Variants in UBE2T observed in about 807,000 individuals in gnomAD.
UBE2T encodes the protein ubiquitin conjugating enzyme E2 T.
UBE2T carries 15 observed loss-of-function variants against 23.3 expected under a neutral mutation model. That is an observed-to-expected ratio of 0.64 (90% CI 0.43 to 0.99). UBE2T has a LOEUF of 0.99. UBE2T is among the 50% of genes least tolerant of loss of function. The pLI is 0.00. For synonymous variants in UBE2T, 67 were observed against 78.4 expected (o/e 0.85, Z 0.77); for missense variants, 197 against 234.9 (o/e 0.84, Z 1.05).
chr1:202,331,970 A>G lies in UBE2T; in HGVS notation c.469-10T>C, dbSNP rs889064891. ...TCTCTTCCTCATCAGCCTAAAGAGG[A>G]GACAGGGTGAAACACAGTAAGGTTC... On this transcript the variant is annotated splice_polypyrimidine_tract_variant and intron_variant, in intron 6 of 6. Transcript: ENST00000646651. The G allele has an allele frequency of 6.2e-7, 1 of 1,613,926 alleles. No individual in the cohort carries two copies. The highest frequency in any genetic ancestry group is 1.7e-5 in the Admixed American group (1 of 60,018).
Position 202,335,625 on chromosome 1 carries a change from T to C in UBE2T, c.109+21A>G, listed in dbSNP as rs1272661593. On this transcript the variant is annotated intron_variant, in intron 2 of 6. Coordinates refer to ENST00000646651, the MANE Select transcript of UBE2T (RefSeq NM_014176.4). The surrounding 1 kb of genome is among the most constrained non-coding windows in gnomAD (Gnocchi z 4.0). ...TTCAATAGGGTCATGACTTTCATCA[T>C]ATACATGATTTGATACCTACGAGCT... The C allele has an allele frequency of 3.1e-6, 5 of 1,599,300 alleles. No homozygotes were observed. The highest frequency in any genetic ancestry group is 4.3e-6 in the Non-Finnish European group (5 of 1,167,078).
intron 5 of UBE2T, 23 bp downstream of exon 5, chr1:202,333,214 C>A (rs773082758): frequency 1.6e-5 from 26 of 1,613,502 alleles, no homozygotes; most frequent in Non-Finnish European, 2.0e-5. Flanking sequence ...ATATGTGTTG[C>A]AGAGGAAAAT....
At position 202,331,731 on chromosome 1, in the gene UBE2T, A is replaced by G; in HGVS notation, c.*104T>C. 2 of 1,401,592 alleles carry G rather than the reference A, an allele frequency of 1.4e-6. No homozygotes were observed. Among genetic ancestry groups the G allele is most frequent in the Non-Finnish European group, 2.0e-6 (2 of 1,021,520 alleles). 86.8% of individuals were successfully genotyped at this position (1,401,592 alleles called of 1,614,324 possible). A position where few individuals can be genotyped will look rare whatever the true frequency, so the allele number is the denominator to read the frequency against. The stretch of plus-strand genomic sequence containing the variant: ...CATATGTACAAGATAAATAAACTAC[A>G]CAAAAATTATGTCATCAAATATATT... On this transcript the variant is annotated 3_prime_UTR_variant, in exon 7 of 7. Coordinates refer to ENST00000646651, the MANE Select transcript of UBE2T (RefSeq NM_014176.4).
In UBE2T at chr1:202,333,547, A is replaced by G; in HGVS notation, c.188T>C (p.Phe63Ser). 1.9e-6 allele frequency: 3 copies of G among 1,613,132 alleles called. No individual in the cohort carries two copies. The highest frequency in any genetic ancestry group is 2.2e-5 in the East Asian group (1 of 44,864). Reference protein sequence around the residue: ...LEVIIPERYPFEPPQIRFLTP... With the variant: ...LEVIIPERYPSEPPQIRFLTP... ...GAGAAATCGGATCTGAGGAGGTTCA[A>G]ATGGGTACCTATGAAAGAATAAGAC... Residue 63 changes from phenylalanine (F) to serine (S), a missense_variant, in exon 4 of 7, where the codon TTT (phenylalanine) becomes TCT (serine). Phe to Ser is a radical substitution (Grantham distance 155). Coordinates refer to ENST00000646651, the MANE Select transcript of UBE2T (RefSeq NM_014176.4).
At chr1:202,336,210 C>CTTTTT (rs60785340) in intron 1 of UBE2T, among the ~76,000 whole-genome samples, 1 of 34,332 alleles carries the variant, frequency 2.9e-5, no homozygotes, top group Non-Finnish European at 5.2e-5. Flanking sequence ...ATGCACCCAG[C>CTTTTT]TTTTTTTTTT....
At chr1:202,338,648 T>C (rs1440443443) in intron 1 of UBE2T, among the ~76,000 whole-genome samples, 2 of 152,196 alleles carry the variant, frequency 1.3e-5, no homozygotes, top group African/African-American at 4.8e-5. Context: ...AGTTTATTTC[T>C]TCCCTTCTAA....
At chr1:202,340,820 A>G (rs1033758044) in intron 1 of UBE2T, among the ~76,000 whole-genome samples, 17 of 152,238 alleles carry the variant, frequency 1.1e-4, no homozygotes, top group African/African-American at 4.1e-4. Context: ...CCAAGGAAGC[A>G]ACCAGACTCC....
At position 202,335,627 on chromosome 1, in the gene UBE2T, T is replaced by C; in HGVS notation, c.109+19A>G. Reference sequence around the variant, plus strand: ...CAATAGGGTCATGACTTTCATCATATACATGATTTGATACCTACGAGCTCG... The same window carrying C: ...CAATAGGGTCATGACTTTCATCATACACATGATTTGATACCTACGAGCTCG... On this transcript the variant is annotated intron_variant, in intron 2 of 6. Transcript: ENST00000646651. The surrounding 1 kb of genome is among the most constrained non-coding windows in gnomAD (Gnocchi z 4.0). The C allele has an allele frequency of 1.2e-6, 2 of 1,606,278 alleles. No individual in the cohort carries two copies. Among genetic ancestry groups the C allele is most frequent in the Non-Finnish European group, 1.7e-6 (2 of 1,173,382 alleles).
At chr1:202,341,128 C>T (rs1020019603) in intron 1 of UBE2T, among the ~76,000 whole-genome samples, 2 of 152,232 alleles carry the variant, frequency 1.3e-5, no homozygotes, top group African/African-American at 4.8e-5. Context: ...CTCTGTGCGT[C>T]TACATCTATT....
At position 202,333,213 on chromosome 1, in the gene UBE2T, G is replaced by A. The variant is rs1654805497; in HGVS notation, c.384+24C>T. On this transcript the variant is annotated intron_variant, in intron 5 of 6. Transcript: ENST00000646651. The stretch of plus-strand genomic sequence containing the variant: ...GTATAGACAAGGTAGGATATGTGTT[G>A]CAGAGGAAAATGGGGATATTTACTA... The A allele has an allele frequency of 2.5e-6, 4 of 1,613,404 alleles. No individual in the cohort carries two copies. In the East Asian group the frequency reaches 8.9e-5, roughly 36 times the overall value.
At chr1:202,336,934 G>A (rs1654898423) in intron 1 of UBE2T, among the ~76,000 whole-genome samples, 1 of 152,052 alleles carries the variant, frequency 6.6e-6, no homozygotes, top group Non-Finnish European at 1.5e-5. Context: ...TACTAACCAA[G>A]CAAAGGACAC....
At chr1:202,341,403 C>A (rs902593311) in intron 1 of UBE2T, among the ~76,000 whole-genome samples, 2 of 149,936 alleles carry the variant, frequency 1.3e-5, no homozygotes, top group African/African-American at 4.9e-5. Context: ...ACGGTGAAAC[C>A]CCGTCTCTAC....
chr1:202,340,850 A>G (rs1654986268), intron 1 of UBE2T, among the ~76,000 whole-genome samples: 1 of 152,224 alleles, frequency 6.6e-6, no homozygotes, highest in African/African-American at 2.4e-5. Context: ...ATGTTAACCA[A>G]AATTGGCATA....
chr1:202,335,391 G>A lies in UBE2T; in HGVS notation c.109+255C>T, dbSNP rs566049996. 1.1e-5 allele frequency: 6 copies of A among 542,030 alleles called. No individual in the cohort carries two copies. The South Asian group carries it at 1.5e-4, about 13-fold the overall frequency. The allele number at this position is 542,030 out of a possible 1,614,324, so 33.6% of individuals were successfully genotyped here. On this transcript the variant is annotated intron_variant, in intron 2 of 6. Coordinates refer to ENST00000646651, the MANE Select transcript of UBE2T (RefSeq NM_014176.4). The surrounding 1 kb of genome is among the most constrained non-coding windows in gnomAD (Gnocchi z 4.0). ...TCTGGCCTCACAGATATTTGAGATG[G>A]TTATCTTTGATCTAAACACTGCTTC... is the stretch of plus-strand genomic sequence containing the variant.
At chr1:202,339,536 T>C (rs1341550761) in intron 1 of UBE2T, among the ~76,000 whole-genome samples, 1 of 147,936 alleles carries the variant, frequency 6.8e-6, no homozygotes, top group African/African-American at 2.5e-5. Flanking sequence ...TTGCTGGAAG[T>C]GTTTTGTACT....
At chr1:202,334,481 A>C (rs1558100787) in intron 3 of UBE2T, among the ~76,000 whole-genome samples, 1 of 152,194 alleles carries the variant, frequency 6.6e-6, no homozygotes. Context: ...TGATATCATG[A>C]GTTTACCTAT....
At position 202,331,833 on chromosome 1, in the gene UBE2T, C is replaced by A; in HGVS notation, c.*2G>T. On this transcript the variant is annotated 3_prime_UTR_variant, in exon 7 of 7. Coordinates refer to ENST00000646651, the MANE Select transcript of UBE2T (RefSeq NM_014176.4). ...TAACTAAGATGAACCAGGACAAGTC[C>A]CCTAAACATCAGGATGAAATTTCTT... The A allele has an allele frequency of 3.1e-6, 5 of 1,613,958 alleles. No individual in the cohort carries two copies. Among genetic ancestry groups the A allele is most frequent in the Non-Finnish European group, 3.4e-6 (4 of 1,179,968 alleles).
intron 1 of UBE2T, among the ~76,000 whole-genome samples, chr1:202,337,306 G>C (rs763704585): frequency 6.6e-6 from 1 of 151,938 alleles, no homozygotes; most frequent in African/African-American, 2.4e-5. Flanking sequence ...TGTTGTACAT[G>C]GTGTCTTTCA....
chr1:202,332,080 A>G, intron 6 of UBE2T, 120 bp from the exon 7 acceptor site: 1 of 1,232,216 alleles, frequency 8.1e-7, no homozygotes, highest in South Asian at 1.8e-5. Flanking sequence ...ATACAGTATT[A>G]TGCATACGAT....
Sources: allele counts gnomAD v4.1 joint callset (sites outside exome capture counted in the v4.1 genomes callset), GRCh38; gene constraint gnomAD v4.1.1; non-coding constraint Gnocchi (gnomAD v3.1); transcripts MANE v1.5; gene names NCBI Gene and HGNC (gene_info 2026-07-23, HGNC 2026-07-21).